Variants in GABRG3 observed in about 807,000 individuals in gnomAD.
The protein encoded by GABRG3 is gamma-aminobutyric acid receptor subunit gamma-3.
Under a neutral mutation model 48.8 loss-of-function variants are expected in GABRG3, and 25 were observed. The ratio of observed to expected loss-of-function variants is 0.51; its 90% confidence interval spans 0.37 to 0.72. The LOEUF is 0.72. Ranked by LOEUF, GABRG3 falls within the 30% of genes least tolerant of loss-of-function variation. The pLI, the probability that GABRG3 is intolerant of heterozygous loss-of-function variation, is 0.00. For missense variants in GABRG3, 394 were observed against 577.9 expected (o/e 0.68, Z 3.26); for synonymous variants, 227 against 217.6 (o/e 1.04, Z -0.38).
rs144114866 is a variant in GABRG3, at chr15:27,402,725, T to A, written c.574+73837T>A. 8.5e-3 allele frequency among the ~76,000 whole-genome samples: 1,288 copies of A among 152,334 alleles called. 10 individuals carry two copies. The highest frequency in any genetic ancestry group is 0.014 in the Middle Eastern group (4 of 294). On this transcript the variant is annotated intron_variant, in intron 5 of 9. Coordinates refer to ENST00000615808, the MANE Select transcript of GABRG3 (RefSeq NM_033223.5). ...CTTGTCTTAAGCCCCAAATTATGTT[T>A]ACAAATTTTCATATTCAATATCCAG...
At chr15:27,241,806 A>G (rs1890135870) in intron 3 of GABRG3, among the ~76,000 whole-genome samples, 1 of 152,210 alleles carries the variant, frequency 6.6e-6, no homozygotes, top group Non-Finnish European at 1.5e-5. Context: ...TCACTGTCAT[A>G]TGACATTATT....
chr15:27,189,176 T>C (rs1353092289), intron 3 of GABRG3, among the ~76,000 whole-genome samples: 1 of 151,710 alleles, frequency 6.6e-6, no homozygotes, highest in Non-Finnish European at 1.5e-5. Flanking sequence ...CCTCCAGCTT[T>C]GTTCTTTTGG....
intron 3 of GABRG3, among the ~76,000 whole-genome samples, chr15:27,299,610 A>G (rs560677107): frequency 6.6e-6 from 1 of 152,210 alleles, no homozygotes; most frequent in Admixed American, 6.6e-5. Flanking sequence ...CATTTCCTCC[A>G]TTCTCTCAAA....
At chr15:27,295,671 A>T (rs1891957897) in intron 3 of GABRG3, among the ~76,000 whole-genome samples, 1 of 152,212 alleles carries the variant, frequency 6.6e-6, no homozygotes, top group Non-Finnish European at 1.5e-5. Flanking sequence ...AGTTCTAGGC[A>T]GGCCTACAGG....
At chr15:27,026,973 TAA>T (rs28399527) in intron 3 of GABRG3, 152 bp downstream of exon 3, 249,117 of 465,914 alleles carry the variant, frequency 0.53, 65,931 homozygotes, top group African/African-American at 0.61. Context: ...TTGAAAATGG[TAA>T]AAAAAAAAAT....
intron 3 of GABRG3, among the ~76,000 whole-genome samples, chr15:27,314,249 A>G (rs755594848): frequency 2.1e-4 from 32 of 152,194 alleles, no homozygotes; most frequent in Non-Finnish European, 3.5e-4. Flanking sequence ...AAAATGGACT[A>G]AAGACTTGAC....
At chr15:27,061,287 G>A (rs1595500067) in intron 3 of GABRG3, among the ~76,000 whole-genome samples, 1 of 152,120 alleles carries the variant, frequency 6.6e-6, no homozygotes, top group African/African-American at 2.4e-5. Flanking sequence ...TGCATCACTC[G>A]AACGAGGATG....
chr15:27,005,859 T>C (rs1188141909), intron 2 of GABRG3, among the ~76,000 whole-genome samples: 1 of 152,188 alleles, frequency 6.6e-6, no homozygotes, highest in African/African-American at 2.4e-5. Context: ...TGACAGTTTT[T>C]CCCTAATTTG....
intron 3 of GABRG3, among the ~76,000 whole-genome samples, chr15:27,043,231 A>G (rs189486346): frequency 2.0e-5 from 3 of 152,300 alleles, no homozygotes; most frequent in East Asian, 3.9e-4. Context: ...AACTCAGAAC[A>G]ACACCACATT....
At position 27,457,553 on chromosome 15, in the gene GABRG3, G is replaced by A. The variant is rs537462680; in HGVS notation, c.575-23097G>A. On this transcript the variant is annotated intron_variant, in intron 5 of 9. Coordinates refer to ENST00000615808, the MANE Select transcript of GABRG3 (RefSeq NM_033223.5). The surrounding 1 kb of genome is among the most constrained non-coding windows in gnomAD (Gnocchi z 4.4). Reference sequence around the variant, plus strand: ...TCACACTTGGCAGAGGAGGACCTGCGATTAGATACGGACACGTTCCCTGCC... The same window carrying A: ...TCACACTTGGCAGAGGAGGACCTGCAATTAGATACGGACACGTTCCCTGCC... Among the ~76,000 whole-genome samples, 3 of 152,106 alleles carry A rather than the reference G, an allele frequency of 2.0e-5. No homozygotes were observed. The highest frequency in any genetic ancestry group is 4.4e-5 in the Non-Finnish European group (3 of 68,034).
intron 5 of GABRG3, among the ~76,000 whole-genome samples, chr15:27,461,929 G>C (rs1381954157): frequency 6.6e-6 from 1 of 152,172 alleles, no homozygotes; most frequent in East Asian, 1.9e-4. Flanking sequence ...CACGAGAAAA[G>C]TGAACCTCAG....
At chr15:27,384,364 G>T (rs1056606770) in intron 5 of GABRG3, among the ~76,000 whole-genome samples, 1 of 152,230 alleles carries the variant, frequency 6.6e-6, no homozygotes, top group South Asian at 2.1e-4. Flanking sequence ...CTCAGGAATT[G>T]CATTAAGTGA....
chr15:27,003,127 G>A (rs781015425), intron 2 of GABRG3, among the ~76,000 whole-genome samples: 15 of 148,598 alleles, frequency 1.0e-4, no homozygotes, highest in Non-Finnish European at 1.5e-4. Flanking sequence ...GCCTTATATC[G>A]TTGGTATTCA....
At chr15:27,243,864 T>C (rs188251779) in intron 3 of GABRG3, among the ~76,000 whole-genome samples, 33 of 152,362 alleles carry the variant, frequency 2.2e-4, no homozygotes, top group African/African-American at 7.7e-4. Flanking sequence ...TTTTTTCAAC[T>C]TTACGCACTC....
At chr15:27,334,865 C>A (rs1893912687) in intron 5 of GABRG3, among the ~76,000 whole-genome samples, 1 of 151,992 alleles carries the variant, frequency 6.6e-6, no homozygotes, top group Admixed American at 6.6e-5. Context: ...AAGCATGATC[C>A]CTGCCCCCAC....
chr15:27,133,105 A>AT (rs887254847), intron 3 of GABRG3, among the ~76,000 whole-genome samples: 1 of 151,528 alleles, frequency 6.6e-6, no homozygotes, highest in Non-Finnish European at 1.5e-5. Flanking sequence ...CATATTTGTG[A>AT]TTTTTTAAGT....
At chr15:27,160,375 A>G (rs916511339) in intron 3 of GABRG3, among the ~76,000 whole-genome samples, 4 of 152,046 alleles carry the variant, frequency 2.6e-5, no homozygotes, top group African/African-American at 7.2e-5. Context: ...GGAATTTCAA[A>G]TGGTAGTATT....
chr15:27,437,757 T>C (rs1048878056), intron 5 of GABRG3, among the ~76,000 whole-genome samples: 14 of 152,118 alleles, frequency 9.2e-5, no homozygotes, highest in Non-Finnish European at 1.2e-4. Flanking sequence ...TTTAAGAAGG[T>C]TTATTTGGCT....
chr15:27,201,520 G>A (rs995435878), intron 3 of GABRG3, among the ~76,000 whole-genome samples: 1 of 151,678 alleles, frequency 6.6e-6, no homozygotes, highest in African/African-American at 2.4e-5. Flanking sequence ...AGGGAGGGAG[G>A]AGGGAGTGTG....
Sources: allele counts gnomAD v4.1 joint callset (sites outside exome capture counted in the v4.1 genomes callset), GRCh38; gene constraint gnomAD v4.1.1; non-coding constraint Gnocchi (gnomAD v3.1); transcripts MANE v1.5; gene names NCBI Gene and HGNC (gene_info 2026-07-23, HGNC 2026-07-21).